CALCRL: variants seen among roughly 807,000 people sequenced by gnomAD.
CALCRL encodes calcitonin gene-related peptide type 1 receptor.
A neutral mutation model predicts 60.4 loss-of-function variants in CALCRL; 27 were observed. The ratio of observed to expected loss-of-function variants is 0.45; its 90% CI spans 0.33 to 0.62. The LOEUF (loss-of-function observed/expected upper bound fraction) is 0.62, where lower values mean the gene tolerates loss of function less well. Among genes scored for constraint, CALCRL ranks in the 20% least tolerant of loss-of-function variants. The probability of loss-of-function intolerance (pLI) is 0.03; values close to 1 mark genes in which losing one functional copy is unlikely to be tolerated. For synonymous variants in CALCRL, 190 were observed against 182.6 expected, an observed-to-expected ratio of 1.04 and a Z score of -0.33; for missense variants, 424 against 540.7, an observed-to-expected ratio of 0.78 and a Z score of 2.14.
intron 1 of CALCRL, among the ~76,000 whole-genome samples, chr2:187,414,804 T>G (rs527987321): frequency 2.6e-5 from 4 of 152,038 alleles, no homozygotes; most frequent in African/African-American, 9.6e-5. Flanking sequence ...AGACAAACAT[T>G]GGCACACACA....
At chr2:187,405,953 A>G (rs964650126) in intron 1 of CALCRL, among the ~76,000 whole-genome samples, 3 of 110,324 alleles carry the variant, frequency 2.7e-5, no homozygotes, top group Admixed American at 2.0e-4. Context: ...TGTTGTCTGT[A>G]TGTAGGGGTG....
At chr2:187,412,427 A>G (rs1055597603) in intron 1 of CALCRL, among the ~76,000 whole-genome samples, 1 of 152,262 alleles carries the variant, frequency 6.6e-6, no homozygotes, top group African/African-American at 2.4e-5. Flanking sequence ...GACTTGGGCA[A>G]CCTTTGCAAA....
chr2:187,431,203 C>G (rs1163545253), intron 1 of CALCRL: 1 of 154,654 alleles, frequency 6.5e-6, no homozygotes, highest in South Asian at 2.0e-4. Flanking sequence ...ATATTTCTTA[C>G]TATTGTTAAC....
chr2:187,410,912 G>T (rs1689328518), intron 1 of CALCRL, among the ~76,000 whole-genome samples: 1 of 151,950 alleles, frequency 6.6e-6, no homozygotes, highest in South Asian at 2.1e-4. Context: ...AGAGGTAGGT[G>T]GGGCCACAGG....
At position 187,359,148 on chromosome 2, in the gene CALCRL, C is replaced by T; in HGVS notation, c.843-19G>A. ...CCAGCAACTAGAGAAAACATAATAA[C>T]ATTATGTTGAAAATTTTTATTTTAC... On this transcript the variant is annotated intron_variant, in intron 11 of 14. Coordinates refer to ENST00000392370, the MANE Select transcript of CALCRL (RefSeq NM_005795.6). 2.5e-6 allele frequency: 4 copies of T among 1,599,952 alleles called. No individual in the cohort carries two copies. Among genetic ancestry groups the T allele is most frequent in the Non-Finnish European group, 3.4e-6 (4 of 1,168,118 alleles).
chr2:187,366,136 G>A (rs537987752), intron 8 of CALCRL, among the ~76,000 whole-genome samples: 1 of 150,064 alleles, frequency 6.7e-6, no homozygotes, highest in African/African-American at 2.5e-5. Flanking sequence ...CCAGCTACTC[G>A]GGAGGCTGAG....
At chr2:187,445,917 C>T (rs1691158145) in intron 1 of CALCRL, among the ~76,000 whole-genome samples, 1 of 151,338 alleles carries the variant, frequency 6.6e-6, no homozygotes, top group Non-Finnish European at 1.5e-5. Flanking sequence ...TTATTTTAAA[C>T]AATGTTTTTG....
At chr2:187,423,521 T>C (rs907762880) in intron 1 of CALCRL, among the ~76,000 whole-genome samples, 2 of 152,044 alleles carry the variant, frequency 1.3e-5, no homozygotes, top group African/African-American at 4.8e-5. Flanking sequence ...GAGGAATATT[T>C]TAATTATCTG....
At chr2:187,401,941 AAAG>A (rs1559062894) in intron 1 of CALCRL, among the ~76,000 whole-genome samples, 1 of 151,444 alleles carries the variant, frequency 6.6e-6, no homozygotes, top group African/African-American at 2.4e-5. Context: ...GAAATCAAGG[AAAG>A]AAGGAAGGAA....
chr2:187,418,332 G>C (rs537069669), intron 1 of CALCRL, among the ~76,000 whole-genome samples: 1 of 152,226 alleles, frequency 6.6e-6, no homozygotes, highest in Admixed American at 6.5e-5. Context: ...TAAAAATAGA[G>C]CGTTCTAAAA....
Position 187,429,490 on chromosome 2 carries a change from C to T in CALCRL, c.-293+18549G>A, listed in dbSNP as rs779694335. Among the ~76,000 whole-genome samples, 132 of 152,110 alleles carry T rather than the reference C, an allele frequency of 8.7e-4. 2 individuals carry two copies. The highest frequency in any genetic ancestry group is 1.6e-3 in the Non-Finnish European group (110 of 68,012). ...GTTTTGTGATGTGCTTTATATTCCA[C>T]GGCAGTGGTAGATGAGCTAAGACTG... On this transcript the variant is annotated intron_variant, in intron 1 of 14. Transcript: ENST00000392370.
intron 8 of CALCRL, among the ~76,000 whole-genome samples, chr2:187,372,153 A>G (rs148554926): frequency 1.3e-5 from 2 of 151,950 alleles, no homozygotes; most frequent in Admixed American, 1.3e-4. Context: ...AAACAAACCA[A>G]CAACATTTTC....
intron 1 of CALCRL, among the ~76,000 whole-genome samples, chr2:187,407,993 A>T (rs1440401954): frequency 6.6e-6 from 1 of 151,988 alleles, no homozygotes; most frequent in Non-Finnish European, 1.5e-5. Flanking sequence ...TTTGAGCAAA[A>T]TCACACCATT....
chr2:187,430,302 A>G (rs1468535041), intron 1 of CALCRL, among the ~76,000 whole-genome samples: 1 of 152,206 alleles, frequency 6.6e-6, no homozygotes, highest in African/African-American at 2.4e-5. Flanking sequence ...TGGGAATTTA[A>G]AAATCACAGC....
intron 8 of CALCRL, among the ~76,000 whole-genome samples, chr2:187,372,323 T>TA (rs901592851): frequency 3.3e-5 from 5 of 151,816 alleles, no homozygotes; most frequent in Admixed American, 6.6e-5. Context: ...AGTTTATTTT[T>TA]TTTTTTTATC....
rs1044225202 is a variant in CALCRL at position 187,352,255 on chromosome 2, A to C, written c.987T>G (p.Asn329Lys). Reference protein sequence around the residue: ...KLKVTHQAESNLYMKAVRATL... With the variant: ...KLKVTHQAESKLYMKAVRATL... ...TAGCTCTCACAGCTTTCATGTACAG[A>C]TTGGATTCCGCTTGGTGTGTAACTT... Residue 329 changes from asparagine to lysine, a missense_variant, in exon 13 of 15, where the codon AAT becomes AAG. Asn to Lys is a moderately conservative substitution (Grantham distance 94). Transcript: ENST00000392370. 6.2e-7 allele frequency: 1 copy of C among 1,612,358 alleles called. No homozygotes were observed. Among genetic ancestry groups the C allele is most frequent in the Non-Finnish European group, 8.5e-7 (1 of 1,178,856 alleles).
Position 187,382,133 on chromosome 2 carries a change from T to C in CALCRL, c.184+1040A>G, listed in dbSNP as rs1467220650. ...ATTCACTACAGCATTGGTAATGTGA[T>C]AGAGTGCAAGGTCCAGAATTTTTGA... On this transcript the variant is annotated intron_variant, in intron 5 of 14. Coordinates refer to ENST00000392370, the MANE Select transcript of CALCRL (RefSeq NM_005795.6). Among the ~76,000 whole-genome samples, 4 of 152,304 alleles carry C rather than the reference T, an allele frequency of 2.6e-5. No individual in the cohort carries two copies. The East Asian group carries it at 7.7e-4, about 29-fold the overall frequency.
intron 1 of CALCRL, among the ~76,000 whole-genome samples, chr2:187,443,004 T>A (rs1287135413): frequency 6.6e-6 from 1 of 151,910 alleles, no homozygotes; most frequent in East Asian, 1.9e-4. Flanking sequence ...TCACTGAGTT[T>A]CACATGTAAA....
chr2:187,390,669 C>A (rs1688398320), intron 1 of CALCRL, among the ~76,000 whole-genome samples: 1 of 152,130 alleles, frequency 6.6e-6, no homozygotes, highest in South Asian at 2.1e-4. Context: ...TTTATTAATG[C>A]AAATAATTCC....
Sources: allele counts gnomAD v4.1 joint callset (sites outside exome capture counted in the v4.1 genomes callset), GRCh38; gene constraint gnomAD v4.1.1; transcripts MANE v1.5; gene names NCBI Gene and HGNC (gene_info 2026-07-23, HGNC 2026-07-21).